Variants in ATXN7L1 observed in about 807,000 individuals in gnomAD.
ATXN7L1 encodes the protein ataxin 7 like 1.
In ATXN7L1, 15 loss-of-function variants were observed where a neutral mutation model predicts 70.8. That is an observed-to-expected ratio of 0.21 (90% CI 0.14 to 0.33). The LOEUF is 0.33. ATXN7L1 is among the 10% of genes least tolerant of loss of function. The pLI is 1.00. For missense variants in ATXN7L1, 975 were observed against 1,097.1 expected (o/e 0.89, Z 1.57); for synonymous variants, 440 against 445.1 (o/e 0.99, Z 0.14).
chr7:105,742,701 A>C (rs934992771), intron 3 of ATXN7L1, among the ~76,000 whole-genome samples: 1 of 152,182 alleles, frequency 6.6e-6, no homozygotes, highest in Non-Finnish European at 1.5e-5. Flanking sequence ...TGACATTATT[A>C]ATCCATTTTA....
At chr7:105,709,465 A>G (rs1004816797) in intron 3 of ATXN7L1, among the ~76,000 whole-genome samples, 1 of 152,118 alleles carries the variant, frequency 6.6e-6, no homozygotes, top group Non-Finnish European at 1.5e-5. Flanking sequence ...TACAAGGAGG[A>G]GTATATATGC....
intron 3 of ATXN7L1, among the ~76,000 whole-genome samples, chr7:105,771,132 A>G (rs989313884): frequency 2.6e-5 from 4 of 151,802 alleles, no homozygotes; most frequent in African/African-American, 9.7e-5. Flanking sequence ...GCCAGGAGGC[A>G]GAGGTTGCAG....
intron 3 of ATXN7L1, among the ~76,000 whole-genome samples, chr7:105,692,415 T>TTCCTTCCTTCCTTCCCTCCCTCCC (rs1554431662): frequency 2.2e-5 from 3 of 134,764 alleles, no homozygotes; most frequent in Admixed American, 7.8e-5. Flanking sequence ...CCTTCCTTCC[T>TTCCTTCCTTCCTTCCCTCCCTCCC]TCCTTCCTTC....
At chr7:105,773,764 A>C (rs1257557163) in intron 3 of ATXN7L1, among the ~76,000 whole-genome samples, 1 of 152,210 alleles carries the variant, frequency 6.6e-6, no homozygotes, top group African/African-American at 2.4e-5. Context: ...TACAAAAAAG[A>C]AACCCCCTAA....
intron 3 of ATXN7L1, among the ~76,000 whole-genome samples, chr7:105,729,277 A>AAATGAATGAATG: frequency 7.2e-6 from 1 of 139,094 alleles, no homozygotes; most frequent in South Asian, 2.4e-4. Flanking sequence ...TATCAATAAT[A>AAATGAATGAATG]AATGAATGAA....
chr7:105,841,109 G>T lies in ATXN7L1; in HGVS notation c.250+34703C>A, dbSNP rs146857907. ...AGCAACACTGAGCTTTGTGCGTGCT[G>T]CACAGTGTTTTTGTTTATAAGACAG... is the stretch of plus-strand genomic sequence containing the variant. On this transcript the variant is annotated intron_variant, in intron 2 of 11. Coordinates refer to ENST00000419735, the MANE Select transcript of ATXN7L1 (RefSeq NM_020725.2). 1.1e-3 allele frequency among the ~76,000 whole-genome samples: 171 copies of T among 152,334 alleles called. 4 individuals carry two copies. The East Asian group carries it at 0.028, about 25-fold the overall frequency.
At chr7:105,821,094 C>T (rs757286682) in intron 2 of ATXN7L1, among the ~76,000 whole-genome samples, 4 of 152,168 alleles carry the variant, frequency 2.6e-5, no homozygotes, top group Non-Finnish European at 5.9e-5. Flanking sequence ...GGCTGGAGTG[C>T]GATGGCGTGA....
intron 3 of ATXN7L1, among the ~76,000 whole-genome samples, chr7:105,753,339 T>G (rs1799424197): frequency 6.6e-6 from 1 of 152,200 alleles, no homozygotes; most frequent in South Asian, 2.1e-4. Flanking sequence ...ACAGGATAAT[T>G]GAGACATCAA....
At position 105,858,307 on chromosome 7, in the gene ATXN7L1, G is replaced by A. The variant is rs540588024; in HGVS notation, c.250+17505C>T. On this transcript the variant is annotated intron_variant, in intron 2 of 11. Coordinates refer to ENST00000419735, the MANE Select transcript of ATXN7L1 (RefSeq NM_020725.2). ...TACTATGAGCACTGATAATTAAAGA[G>A]AAAAACTTAACTCTGCCCTTTTAGG... 3.3e-5 allele frequency among the ~76,000 whole-genome samples: 5 copies of A among 152,298 alleles called. No homozygotes were observed. In the East Asian group the frequency reaches 9.6e-4, roughly 29 times the overall value.
At chr7:105,686,132 TA>T (rs10718986) in intron 3 of ATXN7L1, among the ~76,000 whole-genome samples, 30,178 of 146,978 alleles carry the variant, frequency 0.21, 3,092 homozygotes, top group East Asian at 0.31. Context: ...AAGGGCAGAT[TA>T]AAAAAAAAAA....
chr7:105,716,801 G>A (rs1794619358), intron 3 of ATXN7L1, among the ~76,000 whole-genome samples: 1 of 151,544 alleles, frequency 6.6e-6, no homozygotes, highest in African/African-American at 2.4e-5. Context: ...GATCAGTTGA[G>A]CCCAGGAAGT....
chr7:105,617,656 C>T (rs1794111326), intron 9 of ATXN7L1: 1 of 292,034 alleles, frequency 3.4e-6, no homozygotes, highest in Non-Finnish European at 6.7e-6. Flanking sequence ...TGGATTTCAG[C>T]TTTGCTGGGC....
intron 3 of ATXN7L1, among the ~76,000 whole-genome samples, chr7:105,750,866 T>C (rs1186944177): frequency 1.3e-5 from 2 of 152,160 alleles, no homozygotes; most frequent in Non-Finnish European, 2.9e-5. Flanking sequence ...GGCTTTTCCT[T>C]TTCCTCAGTT....
At chr7:105,652,482 C>T (rs1374786991) in intron 4 of ATXN7L1, among the ~76,000 whole-genome samples, 1 of 152,200 alleles carries the variant, frequency 6.6e-6, no homozygotes, top group Non-Finnish European at 1.5e-5. Flanking sequence ...CAGCACTGGC[C>T]CAGAACAGGC....
Position 105,614,167 on chromosome 7 carries a change from G to A in ATXN7L1, c.2167C>T (p.Pro723Ser), listed in dbSNP as rs1793488120. 2 of 1,551,674 alleles carry A rather than the reference G, an allele frequency of 1.3e-6. No individual in the cohort carries two copies. Among genetic ancestry groups the A allele is most frequent in the Non-Finnish European group, 1.7e-6 (2 of 1,147,006 alleles). Residue 723 changes from proline to serine, a missense_variant, in exon 10 of 12, where the codon CCC (proline) becomes TCC (serine). By Grantham distance (74) the Pro-to-Ser change is moderately conservative. Around this residue, in one of 5 missense-constraint regions of ATXN7L1, gnomAD observed 635 missense variants for 699.4 expected, o/e 0.91. Coordinates refer to ENST00000419735, the MANE Select transcript of ATXN7L1 (RefSeq NM_020725.2). This position sits in a 1 kb window ranked among gnomAD's most constrained non-coding sequence, Gnocchi z 4.3. The part of the protein sequence containing the change: ...KLEPSGRTSL[P>S]GGPADIVRQV... ...CTCACTATGTCCGCGGGGCCGCCGG[G>A]CAGCGAGGTCCGTCCTGAGGGCTCC... is the stretch of plus-strand genomic sequence containing the variant.
chr7:105,777,572 C>G (rs1405275163), intron 3 of ATXN7L1, among the ~76,000 whole-genome samples: 1 of 152,236 alleles, frequency 6.6e-6, no homozygotes, highest in Non-Finnish European at 1.5e-5. Context: ...TCTTCCCTTT[C>G]CAATCTAATC....
chr7:105,611,342 C>G (rs192962062), intron 10 of ATXN7L1, among the ~76,000 whole-genome samples: 9 of 152,326 alleles, frequency 5.9e-5, no homozygotes, highest in Admixed American at 1.3e-4. Flanking sequence ...TCTCCATTAA[C>G]TTGCCTTTAT....
intron 3 of ATXN7L1, among the ~76,000 whole-genome samples, chr7:105,692,199 TA>T (rs1249081293): frequency 6.6e-6 from 1 of 152,110 alleles, no homozygotes; most frequent in Non-Finnish European, 1.5e-5. Context: ...ACACTGCGGT[TA>T]TTAGCAGAAG....
rs528242917 is a variant in ATXN7L1, at chr7:105,798,837, GAA to G, written c.251-10131_251-10130del. Among the ~76,000 whole-genome samples the G allele has an allele frequency of 7.8e-4, 118 of 152,228 alleles. 1 individual carries two copies. The highest frequency in any genetic ancestry group is 2.6e-3 in the African/African-American group (109 of 41,548). ...TGAGAGGCTTTTCTTCTATTTGGAT[GAA>G]AAAAAGATAGGAATCCCAGGCAAAG... On this transcript the variant is annotated intron_variant, in intron 2 of 11. Coordinates refer to ENST00000419735, the MANE Select transcript of ATXN7L1 (RefSeq NM_020725.2).
Sources: gnomAD v4.1 joint callset for allele counts (sites outside exome capture counted in the v4.1 genomes callset) on GRCh38, gnomAD v4.1.1 for gene constraint, gnomAD v4.1.1 regional missense constraint, Gnocchi (gnomAD v3.1) non-coding constraint, MANE v1.5 for transcripts, NCBI Gene and HGNC (gene_info 2026-07-23, HGNC 2026-07-21) for gene names.